Variants in NEIL3 observed in about 807,000 individuals in gnomAD.
The protein encoded by NEIL3 is endonuclease 8-like 3.
A neutral mutation model predicts 57.5 loss-of-function variants in NEIL3; 48 were observed. The observed-to-expected ratio is 0.83, with a 90% CI of 0.66 to 1.06. The LOEUF is 1.06. Among genes scored for constraint, NEIL3 ranks in the 50% least tolerant of loss-of-function variants. NEIL3 has a pLI of 0.00. For missense variants in NEIL3, 717 were observed against 739.1 expected (o/e 0.97, Z 0.35); for synonymous variants, 261 against 253.2 (o/e 1.03, Z -0.29).
chr4:177,310,615 C>A (rs1734458988), intron 1 of NEIL3, among the ~76,000 whole-genome samples: 1 of 152,218 alleles, frequency 6.6e-6, no homozygotes, highest in African/African-American at 2.4e-5. Context: ...CACTCAACTT[C>A]ATATTGCCAT....
rs1735250739 is a variant in NEIL3, at chr4:177,347,621, C to T, written c.870-3759C>T. On this transcript the variant is annotated intron_variant, in intron 6 of 9. Coordinates refer to ENST00000264596, the MANE Select transcript of NEIL3 (RefSeq NM_018248.3). ...GAGTGAAGCGGCAGCATCGGGGGCT[C>T]TCAACAGTAGTGCAGGTGGTAAATG... 2.6e-5 allele frequency among the ~76,000 whole-genome samples: 4 copies of T among 151,748 alleles called. No individual in the cohort carries two copies. The South Asian group carries it at 8.3e-4, about 32-fold the overall frequency.
intron 1 of NEIL3, among the ~76,000 whole-genome samples, chr4:177,311,165 T>C (rs1210281438): frequency 6.6e-6 from 1 of 152,028 alleles, no homozygotes; most frequent in African/African-American, 2.4e-5. Context: ...TTTATGAAAA[T>C]TACTCATTCA....
At position 177,353,449 on chromosome 4, in the gene NEIL3, AT is replaced by A; in HGVS notation, c.1185del (p.Phe395LeufsTer18). 3.1e-6 allele frequency: 5 copies of A among 1,613,994 alleles called. No homozygotes were observed. Among genetic ancestry groups the A allele is most frequent in the Non-Finnish European group, 4.2e-6 (5 of 1,179,996 alleles). ...AFGTTTLVLTDFSNKSSTLER... is the reference protein window; with the variant it reads ...AFGTTTLVLTXFSNKSSTLER... Reference sequence around the variant, plus strand: ...GGAACTACAACTCTTGTCTTGACTGATTTTAGCAATAAATCCAGTACTTTGG... The same window carrying A: ...GGAACTACAACTCTTGTCTTGACTGATTTAGCAATAAATCCAGTACTTTGG... On this transcript the variant is annotated frameshift_variant, in exon 8 of 10. Coordinates refer to ENST00000264596, the MANE Select transcript of NEIL3 (RefSeq NM_018248.3). LOFTEE classifies it high-confidence loss of function.
In NEIL3 at chr4:177,339,855, A is replaced by G; in HGVS notation, c.700A>G (p.Arg234Gly). The G allele has an allele frequency of 6.2e-7, 1 of 1,607,902 alleles. No individual in the cohort carries two copies. The highest frequency in any genetic ancestry group is 8.5e-7 in the Non-Finnish European group (1 of 1,174,478). Reference sequence around the variant, plus strand: ...ACGTGATTTCAGCATTCTCTTTTACAGGGTAAGAGCAAAATTTTTCAACTG... The same window carrying G: ...ACGTGATTTCAGCATTCTCTTTTACGGGGTAAGAGCAAAATTTTTCAACTG... ...MIRDFSILFY[R>G]CRKAGLALSK... The change falls in exon 5 of 10, where the codon AGG (arginine) becomes GGG (glycine). Residue 234 changes from arginine (R) to glycine (G), a missense_variant and splice_region_variant. Coordinates refer to ENST00000264596, the MANE Select transcript of NEIL3 (RefSeq NM_018248.3).
At chr4:177,320,466 CTTTTTTTTTTTTTTTTTT>C (rs34353849) in intron 1 of NEIL3, among the ~76,000 whole-genome samples, 15 of 77,400 alleles carry the variant, frequency 1.9e-4, no homozygotes, top group African/African-American at 1.6e-4. Flanking sequence ...TGACTGCTGT[CTTTTTTTTTTTTTTTTTT>C]TTTTTTTTTT....
chr4:177,356,255 A>AT (rs2110936927), intron 8 of NEIL3, among the ~76,000 whole-genome samples: 1 of 152,354 alleles, frequency 6.6e-6, no homozygotes, highest in South Asian at 2.1e-4. Flanking sequence ...ATTTAAAAAA[A>AT]CATTAATGTA....
At chr4:177,343,088 TA>T (rs1388287054) in intron 6 of NEIL3, 5 of 152,210 alleles carry the variant, frequency 3.3e-5, no homozygotes, top group Non-Finnish European at 1.5e-5. Flanking sequence ...TAAAACTTTT[TA>T]AAAGTCAACA....
chr4:177,342,063 G>A (rs556156127), intron 6 of NEIL3, among the ~76,000 whole-genome samples: 2 of 152,162 alleles, frequency 1.3e-5, no homozygotes, highest in Admixed American at 1.3e-4. Context: ...CTAAACCCAC[G>A]TGTAGTAGTT....
intron 6 of NEIL3, chr4:177,343,813 A>G (rs1434896811): frequency 1.3e-5 from 2 of 151,660 alleles, no homozygotes; most frequent in African/African-American, 2.4e-5. Flanking sequence ...TTTTTTATGA[A>G]CAAGAACTTT....
At chr4:177,354,670 T>C (rs1303342734) in intron 8 of NEIL3, among the ~76,000 whole-genome samples, 1 of 151,988 alleles carries the variant, frequency 6.6e-6, no homozygotes, top group Admixed American at 6.6e-5. Context: ...TTAGTAGAGA[T>C]GGGGTTTCGC....
chr4:177,310,307 G>A lies in NEIL3; in HGVS notation c.156+198G>A, dbSNP rs561522553. On this transcript the variant is annotated intron_variant, in intron 1 of 9. Coordinates refer to ENST00000264596, the MANE Select transcript of NEIL3 (RefSeq NM_018248.3). ...GCGCCTGCGCAGGAGAGGAGGGCTA[G>A]CGTTCTGGGCTCACGCTGCCGGAGC... Among the ~76,000 whole-genome samples, 109 of 152,364 alleles carry A rather than the reference G, an allele frequency of 7.2e-4. 6 individuals carry two copies. The South Asian group carries it at 0.023, about 32-fold the overall frequency.
chr4:177,343,119 T>C (rs1303536471), intron 6 of NEIL3: 1 of 152,104 alleles, frequency 6.6e-6, no homozygotes. Flanking sequence ...GCAGATTTGA[T>C]AGGTAGGATG....
At chr4:177,318,438 G>A (rs972687234) in intron 1 of NEIL3, among the ~76,000 whole-genome samples, 5 of 152,158 alleles carry the variant, frequency 3.3e-5, no homozygotes, top group Admixed American at 6.5e-5. Flanking sequence ...ACTCAATGGG[G>A]CAGTGCTGCT....
Position 177,341,557 on chromosome 4 carries a change from A to G in NEIL3, c.784A>G (p.Thr262Ala), listed in dbSNP as rs1194964437. 2 of 1,613,608 alleles carry G rather than the reference A, an allele frequency of 1.2e-6. No individual in the cohort carries two copies. The highest frequency in any genetic ancestry group is 3.3e-5 in the Admixed American group (2 of 59,962). The stretch of plus-strand genomic sequence containing the variant: ...TTGTGGTCAGTGCCACTGCAGAATA[A>G]CTGTGTGCCGCTTTGGGGACAATAA... Reference protein sequence around the residue: ...PNCGQCHCRITVCRFGDNNRM... With the variant: ...PNCGQCHCRIAVCRFGDNNRM... The change falls in exon 6 of 10, where the codon ACT becomes GCT. Residue 262 changes from threonine (T) to alanine (A), a missense_variant. Transcript: ENST00000264596.
chr4:177,329,405 G>A (rs554394498), intron 2 of NEIL3, among the ~76,000 whole-genome samples: 4 of 152,148 alleles, frequency 2.6e-5, no homozygotes, highest in Non-Finnish European at 5.9e-5. Flanking sequence ...GATGGAAACA[G>A]AAATACTATG....
intron 6 of NEIL3, among the ~76,000 whole-genome samples, chr4:177,349,017 G>A (rs1168548769): frequency 6.8e-6 from 1 of 146,376 alleles, no homozygotes; most frequent in South Asian, 2.2e-4. Context: ...ACAGGCACCC[G>A]TCACCACACC....
chr4:177,309,887 C>CG lies in NEIL3; in HGVS notation c.-66dup. On this transcript the variant is annotated 5_prime_UTR_variant, in exon 1 of 10. Transcript: ENST00000264596. ...CTGCGTGCGGTCAGTGCCCGCGCAG[C>CG]GTTGAGTTGCACAGCGGTATTCTCA... 1 of 1,541,146 alleles carries CG rather than the reference C, an allele frequency of 6.5e-7. No homozygotes were observed. Among genetic ancestry groups the CG allele is most frequent in the South Asian group, 1.2e-5 (1 of 81,992 alleles).
chr4:177,321,427 TTAAA>T (rs1400555576), intron 1 of NEIL3, among the ~76,000 whole-genome samples: 2 of 152,044 alleles, frequency 1.3e-5, no homozygotes, highest in African/African-American at 4.8e-5. Flanking sequence ...TGAGTTTAAA[TTAAA>T]TAATGTTTAT....
At chr4:177,345,603 G>A (rs1451583382) in intron 6 of NEIL3, among the ~76,000 whole-genome samples, 2 of 150,872 alleles carry the variant, frequency 1.3e-5, no homozygotes, top group Admixed American at 6.6e-5. Context: ...GGATGGTCTC[G>A]ATCTCTTGGC....
Sources: allele counts gnomAD v4.1 joint callset (sites outside exome capture counted in the v4.1 genomes callset), GRCh38; gene constraint gnomAD v4.1.1; transcripts MANE v1.5; gene names NCBI Gene and HGNC (gene_info 2026-07-23, HGNC 2026-07-21).